WTAP: variants seen among roughly 807,000 people sequenced by gnomAD.
The protein encoded by WTAP is pre-mRNA-splicing regulator WTAP.
WTAP carries 8 observed loss-of-function variants against 50.0 expected under a neutral mutation model. The ratio of observed to expected loss-of-function variants is 0.16; its 90% CI spans 0.09 to 0.29. The LOEUF (loss-of-function observed/expected upper bound fraction) is 0.29. Among genes scored for constraint, WTAP ranks in the 10% least tolerant of loss-of-function variants. The pLI, the probability that WTAP is intolerant of heterozygous loss-of-function variation, is 1.00. For synonymous variants in WTAP, 194 were observed against 169.0 expected (o/e 1.15, Z -1.15); for missense variants, 295 against 470.7 (o/e 0.63, Z 3.45).
chr6:159,732,129 T>C (rs1778609114), intron 1 of WTAP, among the ~76,000 whole-genome samples: 3 of 152,162 alleles, frequency 2.0e-5, no homozygotes, highest in Admixed American at 6.5e-5. Context: ...TGCTGTATTT[T>C]TGATCCGAGT....
intron 1 of WTAP, among the ~76,000 whole-genome samples, chr6:159,735,389 C>T (rs1778845253): frequency 6.6e-6 from 1 of 152,212 alleles, no homozygotes; most frequent in Non-Finnish European, 1.5e-5. Flanking sequence ...GATCCACCCA[C>T]CAGCCTCCCA....
chr6:159,726,837 G>C (rs951601945), upstream of WTAP: 26 of 1,289,082 alleles, frequency 2.0e-5, no homozygotes, highest in Admixed American at 1.1e-4. Context: ...CGGTTTCTAA[G>C]TTCTCAAAAC....
chr6:159,727,004 C>A, upstream of WTAP: 1 of 1,262,922 alleles, frequency 7.9e-7, no homozygotes, highest in South Asian at 1.3e-5. Context: ...CCAGATCCCT[C>A]CGCACGAGGC....
chr6:159,727,233 A>G, upstream of WTAP: 2 of 1,274,426 alleles, frequency 1.6e-6, no homozygotes, highest in Non-Finnish European at 2.0e-6. Context: ...CGAGGCCCCG[A>G]TCGGGCTAGG....
upstream of WTAP, chr6:159,726,819 G>A (rs1300351312): frequency 1.6e-6 from 2 of 1,289,200 alleles, no homozygotes; most frequent in Non-Finnish European, 1.0e-6. Context: ...TGATGAGAGG[G>A]AAGGCATCGG....
intron 6 of WTAP, among the ~76,000 whole-genome samples, chr6:159,749,700 A>G (rs1363149613): frequency 6.6e-6 from 1 of 152,216 alleles, no homozygotes; most frequent in Non-Finnish European, 1.5e-5. Flanking sequence ...TGTCTGCCAG[A>G]AGATAATGTG....
At chr6:159,743,192 C>T (rs905010802) in intron 4 of WTAP, among the ~76,000 whole-genome samples, 1 of 152,274 alleles carries the variant, frequency 6.6e-6, no homozygotes, top group African/African-American at 2.4e-5. Flanking sequence ...GGATTACAGA[C>T]ATGCATCACC....
chr6:159,744,343 T>C (rs1779438357), intron 5 of WTAP, among the ~76,000 whole-genome samples: 1 of 152,228 alleles, frequency 6.6e-6, no homozygotes, highest in East Asian at 1.9e-4. Context: ...TCTTACGGTG[T>C]AATTATACAA....
At chr6:159,739,287 T>C (rs902040664) in intron 3 of WTAP, among the ~76,000 whole-genome samples, 1 of 152,228 alleles carries the variant, frequency 6.6e-6, no homozygotes, top group Non-Finnish European at 1.5e-5. Context: ...TGTGTAGTTT[T>C]TCCTTTCGTG....
chr6:159,753,716 C>A (rs1414268742), intron 7 of WTAP, 102 bp downstream of exon 7: 2 of 1,382,874 alleles, frequency 1.4e-6, no homozygotes, highest in Non-Finnish European at 1.9e-6. Context: ...ACATTGTTAA[C>A]CTCTGCCCTA....
chr6:159,747,227 A>G (rs1422523839), intron 5 of WTAP, among the ~76,000 whole-genome samples: 1 of 152,184 alleles, frequency 6.6e-6, no homozygotes, highest in Non-Finnish European at 1.5e-5. Context: ...ATATTTTAGA[A>G]ATGTATTTTT....
chr6:159,739,150 A>C, intron 3 of WTAP, 105 bp downstream of exon 3: 1 of 894,790 alleles, frequency 1.1e-6, no homozygotes, highest in Non-Finnish European at 1.7e-6. Context: ...ATGTTGTTCT[A>C]TCCTCAAATA....
chr6:159,733,904 G>A (rs1329776937), intron 1 of WTAP, among the ~76,000 whole-genome samples: 1 of 152,034 alleles, frequency 6.6e-6, no homozygotes, highest in Admixed American at 6.5e-5. Flanking sequence ...CAACAAGAGC[G>A]AAACTCCATC....
upstream of WTAP, chr6:159,726,882 C>T (rs1432117980): frequency 3.1e-6 from 4 of 1,289,218 alleles, no homozygotes; most frequent in Admixed American, 9.2e-5. Flanking sequence ...TAAACGCCCG[C>T]GGCTCGCCGC....
intron 5 of WTAP, among the ~76,000 whole-genome samples, chr6:159,747,985 TC>T (rs1779677349): frequency 6.6e-6 from 1 of 152,198 alleles, no homozygotes; most frequent in Non-Finnish European, 1.5e-5. Flanking sequence ...AGTGATCAGA[TC>T]GGGGTAATTA....
At chr6:159,746,985 G>A (rs987592247) in intron 5 of WTAP, among the ~76,000 whole-genome samples, 3 of 152,022 alleles carry the variant, frequency 2.0e-5, no homozygotes, top group Non-Finnish European at 2.9e-5. Context: ...GTTTATTCTC[G>A]CTCTGTTATC....
At chr6:159,735,179 C>T (rs935611116) in intron 1 of WTAP, among the ~76,000 whole-genome samples, 1 of 152,172 alleles carries the variant, frequency 6.6e-6, no homozygotes, top group African/African-American at 2.4e-5. Flanking sequence ...GTCTCTGTTG[C>T]CCAGGCTGGA....
intron 1 of WTAP, among the ~76,000 whole-genome samples, chr6:159,733,354 C>G (rs565496316): frequency 6.6e-6 from 1 of 152,132 alleles, no homozygotes; most frequent in Non-Finnish European, 1.5e-5. Context: ...CAGTGGCTCA[C>G]GCCTGTAATG....
At chr6:159,731,956 TGGA>T (rs1778598000) in intron 1 of WTAP, among the ~76,000 whole-genome samples, 1 of 151,496 alleles carries the variant, frequency 6.6e-6, no homozygotes, top group Non-Finnish European at 1.5e-5. Context: ...AATAAGAATA[TGGA>T]TACCTGTCTT....
Sources: gnomAD v4.1 joint callset for allele counts (sites outside exome capture counted in the v4.1 genomes callset) on GRCh38, gnomAD v4.1.1 for gene constraint, MANE v1.5 for transcripts, NCBI Gene and HGNC (gene_info 2026-07-23, HGNC 2026-07-21) for gene names.